ROBO1: variants seen among roughly 807,000 people sequenced by gnomAD.
The protein encoded by ROBO1 is roundabout guidance receptor 1.
A neutral mutation model predicts 195.9 loss-of-function variants in ROBO1; 149 were observed. The observed-to-expected ratio is 0.76, with a 90% confidence interval of 0.67 to 0.87. The LOEUF (loss-of-function observed/expected upper bound fraction) is 0.87. Ranked by LOEUF, ROBO1 falls within the 40% of genes least tolerant of loss-of-function variation. ROBO1 has a pLI of 0.00. For synonymous variants in ROBO1, 816 were observed against 733.2 expected (o/e 1.11, Z -1.82); for missense variants, 1,933 against 2,068.3 (o/e 0.93, Z 1.27).
rs765392819 is a variant in ROBO1 at position 79,589,932 on chromosome 3, A to G, written c.-21T>C. The G allele has an allele frequency of 1.3e-6, 2 of 1,559,306 alleles. No individual in the cohort carries two copies. The highest frequency in any genetic ancestry group is 1.7e-4 in the Middle Eastern group (1 of 5,962). ...TTCATCTTTGTCCCTTCCTTGCATT[A>G]CAACCAGCCAGTGACAGACAATGTG... is the stretch of plus-strand genomic sequence containing the variant. On this transcript the variant is annotated 5_prime_UTR_variant, in exon 2 of 31. Transcript: ENST00000464233.
intron 1 of ROBO1, among the ~76,000 whole-genome samples, chr3:79,623,320 C>T (rs560419303): frequency 7.9e-5 from 12 of 152,160 alleles, no homozygotes; most frequent in East Asian, 3.9e-4. Flanking sequence ...CTCTCATTCA[C>T]GGACACAGAA....
intron 2 of ROBO1, among the ~76,000 whole-genome samples, chr3:79,340,820 G>T (rs1363280939): frequency 6.6e-6 from 1 of 152,176 alleles, no homozygotes; most frequent in Non-Finnish European, 1.5e-5. Context: ...TTGAAGGTTG[G>T]CATGTGCAAA....
rs1318152506 is a variant in ROBO1, at chr3:79,606,410, A to G, written c.-50-16449T>C. On this transcript the variant is annotated intron_variant, in intron 1 of 30. Coordinates refer to ENST00000464233, the MANE Select transcript of ROBO1 (RefSeq NM_002941.4). ...CTTTGTGTCTGTCTCCTCATCATCCATCCAGCCAAATTGTCTTTGCTAAGA... is the reference window on the plus strand; with the variant it reads ...CTTTGTGTCTGTCTCCTCATCATCCGTCCAGCCAAATTGTCTTTGCTAAGA... 3.3e-5 allele frequency among the ~76,000 whole-genome samples: 5 copies of G among 151,916 alleles called. No individual in the cohort carries two copies. In the South Asian group the frequency reaches 1.0e-3, roughly 31 times the overall value.
chr3:78,674,554 G>A lies in ROBO1; in HGVS notation c.1343-4253C>T, dbSNP rs536038139. On this transcript the variant is annotated intron_variant, in intron 10 of 30. Transcript: ENST00000464233. ...AAAACAGTGCCAAAACAGCAAACACGAAATCACCTTAAAACGCCCAGAGTT... is the reference window on the plus strand; with the variant it reads ...AAAACAGTGCCAAAACAGCAAACACAAAATCACCTTAAAACGCCCAGAGTT... 1.7e-4 allele frequency among the ~76,000 whole-genome samples: 26 copies of A among 152,294 alleles called. 1 individual carries two copies. Among genetic ancestry groups the A allele is most frequent in the Admixed American group, 1.3e-4 (2 of 15,300 alleles).
chr3:78,874,737 A>G (rs1368364608), intron 4 of ROBO1, among the ~76,000 whole-genome samples: 2 of 151,944 alleles, frequency 1.3e-5, no homozygotes, highest in South Asian at 2.1e-4. Flanking sequence ...ATCAACCATT[A>G]TAAGTAATTC....
chr3:79,729,932 T>C (rs1280060676), intron 1 of ROBO1, among the ~76,000 whole-genome samples: 2 of 152,170 alleles, frequency 1.3e-5, no homozygotes, highest in African/African-American at 2.4e-5. Context: ...TTATGGCCCA[T>C]CCCATGATTT....
chr3:78,755,691 T>C (rs2082911798), intron 4 of ROBO1, among the ~76,000 whole-genome samples: 1 of 152,182 alleles, frequency 6.6e-6, no homozygotes, highest in African/African-American at 2.4e-5. Flanking sequence ...CCCAGGTTTC[T>C]AATCTGAGTA....
In ROBO1 at chr3:79,536,853, T is replaced by C. The variant is rs76836886; in HGVS notation, c.88+52971A>G. Among the ~76,000 whole-genome samples the C allele has an allele frequency of 8.5e-3, 1,300 of 152,288 alleles. 11 individuals carry two copies. The highest frequency in any genetic ancestry group is 0.011 in the South Asian group (53 of 4,824). Reference sequence around the variant, plus strand: ...CTCTTACCTCCTTTGAGATCTCAGATAACATTCTTAAAGTCTGTGTCACTT... The same window carrying C: ...CTCTTACCTCCTTTGAGATCTCAGACAACATTCTTAAAGTCTGTGTCACTT... On this transcript the variant is annotated intron_variant, in intron 2 of 30. Transcript: ENST00000464233.
chr3:79,181,490 A>C (rs1489444636), intron 2 of ROBO1, among the ~76,000 whole-genome samples: 1 of 152,194 alleles, frequency 6.6e-6, no homozygotes, highest in Non-Finnish European at 1.5e-5. Flanking sequence ...ATCAAAACTT[A>C]CTTATCCTGT....
At chr3:79,207,432 C>T (rs1374335184) in intron 2 of ROBO1, among the ~76,000 whole-genome samples, 1 of 152,158 alleles carries the variant, frequency 6.6e-6, no homozygotes. Context: ...CATCACCAAA[C>T]TCCATCTACT....
At chr3:79,024,670 G>C (rs1487634019) in intron 3 of ROBO1, among the ~76,000 whole-genome samples, 1 of 152,238 alleles carries the variant, frequency 6.6e-6, no homozygotes, top group East Asian at 1.9e-4. Context: ...CCCCCAGAGA[G>C]GATAGTTATG....
In ROBO1 at chr3:79,064,296, T is replaced by A. The variant is rs1268080865; in HGVS notation, c.172+61160A>T. On this transcript the variant is annotated intron_variant, in intron 3 of 30. Coordinates refer to ENST00000464233, the MANE Select transcript of ROBO1 (RefSeq NM_002941.4). ...TTTCAGTATTCCACAGAGATTTTCC[T>A]TACATACTTGTATACACTGACATAC... Among the ~76,000 whole-genome samples the A allele has an allele frequency of 3.9e-5, 6 of 151,964 alleles. 1 individual carries two copies. Among genetic ancestry groups the A allele is most frequent in the Admixed American group, 2.6e-4 (4 of 15,232 alleles).
chr3:79,314,533 C>T (rs1268893807), intron 2 of ROBO1, among the ~76,000 whole-genome samples: 1 of 152,174 alleles, frequency 6.6e-6, no homozygotes, highest in Non-Finnish European at 1.5e-5. Flanking sequence ...GAGACCTGCC[C>T]AGCCATGCTC....
intron 3 of ROBO1, among the ~76,000 whole-genome samples, chr3:78,956,020 A>G (rs907255579): frequency 6.6e-6 from 1 of 152,178 alleles, no homozygotes; most frequent in African/African-American, 2.4e-5. Flanking sequence ...AGGGCACCCC[A>G]GTAAGATACT....
chr3:78,657,324 A>G (rs1575856009), intron 17 of ROBO1, 55 bp from the exon 18 acceptor site: 2 of 1,569,632 alleles, frequency 1.3e-6, no homozygotes, highest in East Asian at 2.3e-5. Context: ...ATGAATGCAA[A>G]GATCAACACA....
rs1944072085 is a variant in ROBO1, at chr3:79,593,629, G to C, written c.-50-3668C>G. Among the ~76,000 whole-genome samples the C allele has an allele frequency of 2.0e-5, 3 of 150,410 alleles. No homozygotes were observed. The South Asian group carries it at 6.3e-4, about 31-fold the overall frequency. ...TTTTTTTTGCTTGCTTTTGTTTTTT[G>C]AGATAGTGTCTTGCTCTGTCACCCA... On this transcript the variant is annotated intron_variant, in intron 1 of 30. Coordinates refer to ENST00000464233, the MANE Select transcript of ROBO1 (RefSeq NM_002941.4).
intron 8 of ROBO1, among the ~76,000 whole-genome samples, chr3:78,696,860 C>G (rs1026661439): frequency 6.6e-6 from 1 of 151,584 alleles, no homozygotes; most frequent in African/African-American, 2.4e-5. Context: ...ATAACACAGA[C>G]TTAATGCTGG....
chr3:78,705,792 C>A (rs1038828154), intron 8 of ROBO1, among the ~76,000 whole-genome samples: 12 of 152,142 alleles, frequency 7.9e-5, no homozygotes, highest in African/African-American at 2.7e-4. Context: ...GGAGCTGGGA[C>A]ACACATCTTT....
chr3:78,963,501 TTTTTTTTTTTTTTTTTTTTC>T, intron 3 of ROBO1, among the ~76,000 whole-genome samples: 1 of 118,850 alleles, frequency 8.4e-6, no homozygotes, highest in East Asian at 2.3e-4. Context: ...TCAGTTTTTT[TTTTTTTTTTTTTTTTTTTTC>T]TTTTTTTTTT....
Sources: gnomAD v4.1 joint callset for allele counts (sites outside exome capture counted in the v4.1 genomes callset) on GRCh38, gnomAD v4.1.1 for gene constraint, MANE v1.5 for transcripts, NCBI Gene and HGNC (gene_info 2026-07-23, HGNC 2026-07-21) for gene names.